The following SLC17A5 variants were observed in gnomAD, a reference collection of about 807,000 sequenced individuals.
SLC17A5 encodes solute carrier family 17 member 5.
In SLC17A5, 47 loss-of-function variants were observed where a neutral mutation model predicts 59.4. The observed-to-expected ratio is 0.79, with a 90% CI of 0.63 to 1.01. The LOEUF (loss-of-function observed/expected upper bound fraction) is 1.01. Among genes scored for constraint, SLC17A5 ranks in the 50% least tolerant of loss-of-function variants. The pLI, the probability that SLC17A5 is intolerant of heterozygous loss-of-function variation, is 0.00. For synonymous variants in SLC17A5, 202 were observed against 210.7 expected (o/e 0.96, Z 0.36); for missense variants, 522 against 595.5 (o/e 0.88, Z 1.28).
intron 9 of SLC17A5, among the ~76,000 whole-genome samples, chr6:73,604,700 G>A (rs1381362360): frequency 5.9e-5 from 9 of 152,168 alleles, no homozygotes; most frequent in African/African-American, 2.2e-4. Context: ...GCAGTGAGCC[G>A]TGGTCTTGCT....
chr6:73,626,585 A>T (rs1252992532), intron 6 of SLC17A5, among the ~76,000 whole-genome samples: 2 of 152,190 alleles, frequency 1.3e-5, no homozygotes, highest in Non-Finnish European at 2.9e-5. Flanking sequence ...AAAATCCTTC[A>T]AGAGTTTAAG....
intron 8 of SLC17A5, among the ~76,000 whole-genome samples, chr6:73,613,837 G>A (rs955301016): frequency 1.3e-5 from 2 of 152,142 alleles, no homozygotes; most frequent in Non-Finnish European, 2.9e-5. Context: ...TATGGCTGGG[G>A]GCTGGGTGTG....
intron 3 of SLC17A5, 140 bp downstream of exon 3, chr6:73,641,551 A>G (rs1769284962): frequency 1.5e-6 from 1 of 662,442 alleles, no homozygotes; most frequent in Non-Finnish European, 2.6e-6. Context: ...TTTTCTAGTT[A>G]GTCCTTTCTC....
At chr6:73,601,259 T>C (rs1284866461) in intron 9 of SLC17A5, among the ~76,000 whole-genome samples, 3 of 133,386 alleles carry the variant, frequency 2.2e-5, no homozygotes, top group African/African-American at 3.0e-5. Flanking sequence ...GTGAGGAGCG[T>C]CTCTGCCCAG....
chr6:73,644,286 G>A, intron 2 of SLC17A5, 121 bp downstream of exon 2: 1 of 773,122 alleles, frequency 1.3e-6, no homozygotes, highest in Non-Finnish European at 2.1e-6. Context: ...CAAAAAGAAA[G>A]TGATTCAGAG....
At chr6:73,612,768 T>C (rs2150088752) in intron 8 of SLC17A5, among the ~76,000 whole-genome samples, 1 of 152,276 alleles carries the variant, frequency 6.6e-6, no homozygotes, top group South Asian at 2.1e-4. Context: ...GTTACCTTTC[T>C]AGGCCAGGCA....
At chr6:73,620,049 G>C (rs12207961) in intron 7 of SLC17A5, among the ~76,000 whole-genome samples, 1 of 150,300 alleles carries the variant, frequency 6.7e-6, no homozygotes, top group African/African-American at 2.5e-5. Context: ...TCAGCCTCTC[G>C]AGTAGCTAGG....
chr6:73,601,722 GT>G (rs1201843516), intron 9 of SLC17A5, among the ~76,000 whole-genome samples: 1 of 119,276 alleles, frequency 8.4e-6, no homozygotes, highest in Non-Finnish European at 1.8e-5. Context: ...CAGCCGCCCC[GT>G]CCGGGAGGTG....
intron 10 of SLC17A5, among the ~76,000 whole-genome samples, chr6:73,597,022 G>A (rs1480053890): frequency 4.6e-5 from 7 of 151,980 alleles, no homozygotes; most frequent in Non-Finnish European, 5.9e-5. Context: ...TTAGCTGGGC[G>A]TGGTGGCAGG....
intron 6 of SLC17A5, among the ~76,000 whole-genome samples, chr6:73,624,369 A>AC (rs372154772): frequency 7.9e-5 from 12 of 152,248 alleles, no homozygotes; most frequent in South Asian, 2.1e-4. Flanking sequence ...ACGCTACTGC[A>AC]CTCCCGCCTG....
intron 10 of SLC17A5, among the ~76,000 whole-genome samples, chr6:73,598,412 T>G (rs1766913672): frequency 6.7e-6 from 1 of 149,044 alleles, no homozygotes; most frequent in African/African-American, 2.5e-5. Context: ...GGGTGGATCA[T>G]TTGAGGTCAG....
chr6:73,638,378 A>G, intron 4 of SLC17A5, 34 bp downstream of exon 4: 1 of 1,511,384 alleles, frequency 6.6e-7, no homozygotes, highest in Non-Finnish European at 9.2e-7. Context: ...TATACATAAC[A>G]TATTACAGCA....
At chr6:73,610,613 G>A in intron 8 of SLC17A5, 66 bp from the exon 9 acceptor site, 1 of 1,565,634 alleles carries the variant, frequency 6.4e-7, no homozygotes, top group Non-Finnish European at 8.8e-7. Context: ...CCTTAATATG[G>A]TATAAATCTG....
chr6:73,607,816 A>T (rs2150084442), intron 9 of SLC17A5, among the ~76,000 whole-genome samples: 1 of 136,996 alleles, frequency 7.3e-6, no homozygotes, highest in African/African-American at 2.8e-5. Flanking sequence ...TCACTTTGTC[A>T]CCCAGGCTGG....
intron 10 of SLC17A5, among the ~76,000 whole-genome samples, chr6:73,595,567 G>A (rs1470916866): frequency 6.6e-6 from 1 of 152,170 alleles, no homozygotes; most frequent in East Asian, 1.9e-4. Context: ...CACTTGGTGA[G>A]GGTGAAGGAA....
chr6:73,644,462 G>A lies in SLC17A5; in HGVS notation c.236C>T (p.Thr79Ile). 6.2e-7 allele frequency: 1 copy of A among 1,613,988 alleles called. No homozygotes were observed. Among genetic ancestry groups the A allele is most frequent in the African/African-American group, 1.3e-5 (1 of 75,016 alleles). Residue 79 changes from threonine to isoleucine, a missense_variant, in exon 2 of 11, where the codon ACT (threonine) becomes ATT (isoleucine). Thr to Ile is a moderately conservative substitution (Grantham distance 89, BLOSUM62 -1). Transcript: ENST00000355773. ...DSNTTLEDNR[T>I]SKACPEHSAP... ...AGAATGCTCTGGACACGCCTTGGAA[G>A]TTCTATTATCTTCTAAAGTTGTATT... is the stretch of plus-strand genomic sequence containing the variant.
chr6:73,641,063 G>A (rs995094405), intron 3 of SLC17A5, among the ~76,000 whole-genome samples: 1 of 152,148 alleles, frequency 6.6e-6, no homozygotes, highest in Non-Finnish European at 1.5e-5. Context: ...AGCACAAGAG[G>A]TAAGGATGGT....
At chr6:73,607,105 G>A (rs1034527800) in intron 9 of SLC17A5, among the ~76,000 whole-genome samples, 15 of 152,262 alleles carry the variant, frequency 9.9e-5, no homozygotes, top group Admixed American at 5.2e-4. Context: ...CTGACTCAAA[G>A]TTAGCCAGAA....
intron 6 of SLC17A5, among the ~76,000 whole-genome samples, chr6:73,622,665 A>T (rs1300307478): frequency 6.6e-6 from 1 of 152,166 alleles, no homozygotes; most frequent in Non-Finnish European, 1.5e-5. Flanking sequence ...AAGAGATTGG[A>T]AGGTCCTGTT....
Sources: gnomAD v4.1 joint callset for allele counts (sites outside exome capture counted in the v4.1 genomes callset) on GRCh38, gnomAD v4.1.1 for gene constraint, MANE v1.5 for transcripts, NCBI Gene and HGNC (gene_info 2026-07-23, HGNC 2026-07-21) for gene names.